Variants in CSMD1 observed in about 807,000 individuals in gnomAD.
The protein encoded by CSMD1 is CUB and sushi domain-containing protein 1.
Under a neutral mutation model 417.5 loss-of-function variants are expected in CSMD1, and 213 were observed. The observed-to-expected ratio is 0.51, with a 90% CI of 0.46 to 0.57. The LOEUF is 0.57. CSMD1 is among the 20% of genes least tolerant of loss of function. The pLI, the probability that CSMD1 is intolerant of heterozygous loss-of-function variation, is 0.00. For missense variants in CSMD1, 6,923 were observed against 4,529.7 expected, an observed-to-expected ratio of 1.53 and a Z score of -15.17; for synonymous variants, 2,862 against 1,736.8, an observed-to-expected ratio of 1.65 and a Z score of -16.11.
At chr8:3,125,364 T>C (rs1228050473) in intron 41 of CSMD1, among the ~76,000 whole-genome samples, 1 of 152,186 alleles carries the variant, frequency 6.6e-6, no homozygotes, top group Non-Finnish European at 1.5e-5. Context: ...GTCAGAACCC[T>C]CATCACGCAT....
At chr8:4,595,018 C>T (rs1388658431) in intron 2 of CSMD1, among the ~76,000 whole-genome samples, 1 of 152,164 alleles carries the variant, frequency 6.6e-6, no homozygotes, top group Non-Finnish European at 1.5e-5. Flanking sequence ...CTGGAATATA[C>T]TGGATTCCTT....
intron 5 of CSMD1, among the ~76,000 whole-genome samples, chr8:3,926,044 A>ACAC (rs1563218030): frequency 0.02 from 696 of 35,530 alleles, 24 homozygotes; most frequent in African/African-American, 0.07. Context: ...CACACACACA[A>ACAC]ACACCATATA....
chr8:2,947,645 C>A (rs1464147299), intron 68 of CSMD1, among the ~76,000 whole-genome samples: 2 of 152,190 alleles, frequency 1.3e-5, no homozygotes, highest in Non-Finnish European at 2.9e-5. Context: ...GACATCTACA[C>A]AGCATCCTGT....
intron 2 of CSMD1, among the ~76,000 whole-genome samples, chr8:4,456,466 C>A (rs981349632): frequency 4.6e-5 from 7 of 152,026 alleles, no homozygotes; most frequent in Non-Finnish European, 8.8e-5. Context: ...ACGAAAATCA[C>A]CAACAGACAG....
intron 2 of CSMD1, among the ~76,000 whole-genome samples, chr8:4,425,357 G>C (rs984704995): frequency 6.9e-6 from 1 of 145,258 alleles, no homozygotes; most frequent in Non-Finnish European, 1.5e-5. Context: ...GCAATGAAAT[G>C]GATTCATTCT....
intron 2 of CSMD1, among the ~76,000 whole-genome samples, chr8:4,505,252 A>G (rs1247298004): frequency 6.6e-6 from 1 of 152,216 alleles, no homozygotes; most frequent in African/African-American, 2.4e-5. Flanking sequence ...TACTTTATGA[A>G]AAAATAATAA....
chr8:3,261,253 A>G (rs1360232209), intron 26 of CSMD1, among the ~76,000 whole-genome samples: 1 of 152,232 alleles, frequency 6.6e-6, no homozygotes, highest in Admixed American at 6.5e-5. Flanking sequence ...AGAATCACGT[A>G]CGCGTTGCTG....
intron 1 of CSMD1, among the ~76,000 whole-genome samples, chr8:4,925,997 G>A (rs1806843609): frequency 6.6e-6 from 1 of 152,056 alleles, no homozygotes; most frequent in South Asian, 2.1e-4. Flanking sequence ...ATTCTTTCCA[G>A]GTTATATTTA....
chr8:3,404,773 G>T (rs540982836), intron 15 of CSMD1, among the ~76,000 whole-genome samples: 2 of 138,864 alleles, frequency 1.4e-5, no homozygotes, highest in African/African-American at 5.1e-5. Context: ...TATGACACAT[G>T]TGCCTGCATC....
chr8:3,712,895 T>A (rs1585118541), intron 6 of CSMD1, among the ~76,000 whole-genome samples: 1 of 152,252 alleles, frequency 6.6e-6, no homozygotes, highest in East Asian at 1.9e-4. Context: ...AATTTCAGTT[T>A]GACAGAAGGA....
intron 3 of CSMD1, among the ~76,000 whole-genome samples, chr8:4,382,085 T>C (rs1408023679): frequency 6.6e-6 from 1 of 152,208 alleles, no homozygotes; most frequent in Non-Finnish European, 1.5e-5. Context: ...TTTCCTCTTC[T>C]TGACACATAG....
chr8:3,998,128 G>A lies in CSMD1; in HGVS notation c.611-18C>T, dbSNP rs570844255. On this transcript the variant is annotated intron_variant, in intron 4 of 69. Transcript: ENST00000635120. ...TCCCTCAGCTGCAGGGGCAAAAGCA[G>A]AAAGAAAGCATCACATTTCAGGATG... 5.2e-6 allele frequency: 8 copies of A among 1,545,654 alleles called. No homozygotes were observed. In the South Asian group the frequency reaches 8.3e-5, roughly 16 times the overall value.
At chr8:4,384,357 C>A (rs994910403) in intron 3 of CSMD1, among the ~76,000 whole-genome samples, 3 of 152,188 alleles carry the variant, frequency 2.0e-5, no homozygotes, top group Non-Finnish European at 4.4e-5. Context: ...TGCAACGCAT[C>A]TGAGGCCCAT....
At chr8:3,285,970 C>G (rs928957928) in intron 25 of CSMD1, among the ~76,000 whole-genome samples, 1 of 152,102 alleles carries the variant, frequency 6.6e-6, no homozygotes. Context: ...TTTCCTAATG[C>G]TATCCCTCCC....
chr8:4,348,723 C>G (rs1800920201), intron 3 of CSMD1, among the ~76,000 whole-genome samples: 1 of 151,978 alleles, frequency 6.6e-6, no homozygotes, highest in Non-Finnish European at 1.5e-5. Context: ...AGAATTTGAT[C>G]TTCGTCTTTA....
intron 2 of CSMD1, among the ~76,000 whole-genome samples, chr8:4,484,980 CAAAAAAAAAAAAAAAAAAAAAAAAA>C (rs57398278): frequency 2.0e-4 from 11 of 53,942 alleles, no homozygotes; most frequent in South Asian, 1.1e-3. Flanking sequence ...GACTCTGCCT[CAAAAAAAAAAAAAAAAAAAAAAAAA>C]AAAAAAAAAA....
intron 3 of CSMD1, among the ~76,000 whole-genome samples, chr8:4,200,936 C>G (rs931575521): frequency 2.0e-5 from 3 of 152,100 alleles, no homozygotes; most frequent in Admixed American, 6.5e-5. Flanking sequence ...CATGTCTTTT[C>G]TAATCTCCAT....
chr8:4,737,086 C>T (rs1458166508), intron 1 of CSMD1, among the ~76,000 whole-genome samples: 2 of 152,164 alleles, frequency 1.3e-5, no homozygotes, highest in African/African-American at 2.4e-5. Context: ...AATCAACCTA[C>T]ATGCCCATCA....
chr8:3,862,835 C>T (rs897263066), intron 5 of CSMD1, among the ~76,000 whole-genome samples: 1 of 152,158 alleles, frequency 6.6e-6, no homozygotes, highest in Non-Finnish European at 1.5e-5. Context: ...CAAGTTAGGG[C>T]AGGTGTCAAA....
Sources: gnomAD v4.1 joint callset for allele counts (sites outside exome capture counted in the v4.1 genomes callset) on GRCh38, gnomAD v4.1.1 for gene constraint, MANE v1.5 for transcripts, NCBI Gene and HGNC (gene_info 2026-07-23, HGNC 2026-07-21) for gene names.